The following PARP14 variants were observed in gnomAD, a reference collection of about 807,000 sequenced individuals.
PARP14 encodes the protein poly(ADP-ribose) polymerase family member 14, also known as protein mono-ADP-ribosyltransferase PARP14.
In PARP14, 59 loss-of-function variants were observed where a neutral mutation model predicts 154.2. The observed-to-expected ratio is 0.38, with a 90% CI of 0.31 to 0.48. The LOEUF (loss-of-function observed/expected upper bound fraction) is 0.48, where lower values mean the gene tolerates loss of function less well. Ranked by LOEUF, PARP14 falls within the 20% of genes least tolerant of loss-of-function variation. The pLI is 0.98. For synonymous variants in PARP14, 720 were observed against 780.5 expected (o/e 0.92, Z 1.29); for missense variants, 1,734 against 2,131.6 (o/e 0.81, Z 3.67).
chr3:122,715,786 T>C (rs990043170), intron 12 of PARP14, among the ~76,000 whole-genome samples: 1 of 152,140 alleles, frequency 6.6e-6, no homozygotes, highest in Non-Finnish European at 1.5e-5. Flanking sequence ...CTTCAGTTGA[T>C]TTGGGCCAAG....
Position 122,687,085 on chromosome 3 carries a change from CA to C in PARP14, c.329del (p.Lys110ArgfsTer25). ...CTTTATTGTTTGTGTTTCAGGAATC[CA>C]AGACCAAAGAAGATGTTAAAGAACC... ...FEEELLTKES[K>X]TKEDVKEPDV... is the part of the protein sequence containing the mutation. On this transcript the variant is annotated frameshift_variant, in exon 3 of 17. Transcript: ENST00000474629. LOFTEE classifies it high-confidence loss of function. 1 of 1,588,964 alleles carries C rather than the reference CA, an allele frequency of 6.3e-7. No homozygotes were observed. The highest frequency in any genetic ancestry group is 8.6e-7 in the Non-Finnish European group (1 of 1,163,516).
chr3:122,716,428 T>G lies in PARP14; in HGVS notation c.4001-1643T>G, dbSNP rs541634123. ...GTGCCTGCATCTGCAAGGCACCATG[T>G]TTAGGCTCTGGAGATAGAAAGATAA... On this transcript the variant is annotated intron_variant, in intron 12 of 16. Coordinates refer to ENST00000474629, the MANE Select transcript of PARP14 (RefSeq NM_017554.3). Among the ~76,000 whole-genome samples the G allele has an allele frequency of 7.9e-5, 12 of 152,308 alleles. No homozygotes were observed. The South Asian group carries it at 2.5e-3, about 32-fold the overall frequency.
chr3:122,693,339 C>T (rs966471523), intron 4 of PARP14, among the ~76,000 whole-genome samples: 2 of 152,176 alleles, frequency 1.3e-5, no homozygotes, highest in African/African-American at 4.8e-5. Context: ...CAATTCTAAG[C>T]CTTCACTATT....
At chr3:122,683,921 G>A (rs1938291787) in intron 1 of PARP14, among the ~76,000 whole-genome samples, 4 of 152,112 alleles carry the variant, frequency 2.6e-5, no homozygotes, top group Admixed American at 2.6e-4. Context: ...AGGCTGCAGG[G>A]GTCCTATCCA....
In PARP14 at chr3:122,701,135, C is replaced by A. The variant is rs779081075; in HGVS notation, c.2581C>A (p.Pro861Thr). The A allele has an allele frequency of 6.2e-7, 1 of 1,613,964 alleles. No individual in the cohort carries two copies. The highest frequency in any genetic ancestry group is 1.7e-5 in the Admixed American group (1 of 60,022). The change falls in exon 6 of 17, where the codon CCG (proline) becomes ACG (threonine). Residue 861 changes from proline (P) to threonine (T), a missense_variant. Coordinates refer to ENST00000474629, the MANE Select transcript of PARP14 (RefSeq NM_017554.3). This position sits in a 1 kb window ranked among gnomAD's most constrained non-coding sequence, Gnocchi z 4.0. ...AGTGAAGAGAGAGGGCAGACTCCTA[C>A]CGGGCAATGCCACCATCTCCAAGGC... The part of the protein sequence containing the change: ...QIVKREGRLL[P>T]GNATISKAGK...
intron 8 of PARP14, among the ~76,000 whole-genome samples, chr3:122,707,323 A>G (rs1051146446): frequency 4.6e-5 from 7 of 151,774 alleles, no homozygotes; most frequent in East Asian, 3.9e-4. Flanking sequence ...GGAGTTTGCA[A>G]TGAACCAAGA....
At chr3:122,705,499 A>G (rs1939127060) in intron 8 of PARP14, among the ~76,000 whole-genome samples, 1 of 152,198 alleles carries the variant, frequency 6.6e-6, no homozygotes, top group African/African-American at 2.4e-5. Context: ...CACCAGAACT[A>G]TCATCAATCA....
chr3:122,683,220 T>C, intron 1 of PARP14: 2 of 735,724 alleles, frequency 2.7e-6, no homozygotes, highest in Non-Finnish European at 3.3e-6. Flanking sequence ...TAACAATGAA[T>C]GACCTACGCT....
At chr3:122,722,548 T>C (rs1933187790) in intron 15 of PARP14, 1 of 152,198 alleles carries the variant, frequency 6.6e-6, no homozygotes, top group Non-Finnish European at 1.5e-5. Flanking sequence ...AAACCTTTTT[T>C]TTCAATAAAA....
At chr3:122,689,879 C>T (rs1227200175) in intron 3 of PARP14, among the ~76,000 whole-genome samples, 1 of 152,218 alleles carries the variant, frequency 6.6e-6, no homozygotes, top group Non-Finnish European at 1.5e-5. Flanking sequence ...TCATTTTCTT[C>T]ATTCTGCACA....
Position 122,700,447 on chromosome 3 carries a change from T to A in PARP14, c.1893T>A (p.Thr631=). 1 of 1,613,486 alleles carries A rather than the reference T, an allele frequency of 6.2e-7. No homozygotes were observed. The highest frequency in any genetic ancestry group is 1.1e-5 in the South Asian group (1 of 90,996). ...LLKKQNSSPN[T]VIINELTSET... is the part of the protein sequence containing the mutation. ...AGAAACAAAATTCCTCCCCAAACAC[T>A]GTAATCATCAATGAGTTAACTTCAG... Residue 631 remains threonine (T), a synonymous_variant, in exon 6 of 17, where the codon ACT becomes ACA. Coordinates refer to ENST00000474629, the MANE Select transcript of PARP14 (RefSeq NM_017554.3).
At chr3:122,702,693 C>T (rs535526699) in intron 6 of PARP14, among the ~76,000 whole-genome samples, 3 of 152,154 alleles carry the variant, frequency 2.0e-5, no homozygotes, top group Non-Finnish European at 2.9e-5. Context: ...TGTTCAGGCT[C>T]TTAACCATTG....
chr3:122,703,015 AAAAAAAAACAAAAAAC>A (rs1560065733), intron 6 of PARP14, among the ~76,000 whole-genome samples: 6 of 98,956 alleles, frequency 6.1e-5, no homozygotes, highest in Non-Finnish European at 7.2e-5. Flanking sequence ...AAAAAACAAA[AAAAAAAAACAAAAAAC>A]AAAAAACAGT....
chr3:122,692,887 A>G (rs1258721630), intron 4 of PARP14, among the ~76,000 whole-genome samples: 1 of 152,180 alleles, frequency 6.6e-6, no homozygotes, highest in Non-Finnish European at 1.5e-5. Context: ...GCTTTTTCAC[A>G]TGTGTTATCT....
At chr3:122,703,704 G>T in intron 6 of PARP14, 38 bp from the exon 7 acceptor site, 1 of 1,298,830 alleles carries the variant, frequency 7.7e-7, no homozygotes, top group Non-Finnish European at 1.1e-6. Flanking sequence ...AATGCTTTTT[G>T]TTAAAATTTG....
chr3:122,704,439 A>G, intron 7 of PARP14, 88 bp from the exon 8 acceptor site: 2 of 757,150 alleles, frequency 2.6e-6, no homozygotes, highest in Non-Finnish European at 4.4e-6. Context: ...GGAGTATTCA[A>G]GTTCACAAAG....
chr3:122,701,010 T>C lies in PARP14; in HGVS notation c.2456T>C (p.Val819Ala). 1 of 1,613,960 alleles carries C rather than the reference T, an allele frequency of 6.2e-7. No individual in the cohort carries two copies. Among genetic ancestry groups the C allele is most frequent in the Non-Finnish European group, 8.5e-7 (1 of 1,179,868 alleles). Residue 819 changes from valine (V) to alanine (A), a missense_variant, in exon 6 of 17, where the codon GTG (valine) becomes GCG (alanine). Coordinates refer to ENST00000474629, the MANE Select transcript of PARP14 (RefSeq NM_017554.3). This position sits in a 1 kb window ranked among gnomAD's most constrained non-coding sequence, Gnocchi z 4.0. ...GDLARLPVDV[V>A]VNASNEDLKH... is the part of the protein sequence containing the mutation. ...TTGGCACGGCTTCCTGTCGATGTGG[T>C]GGTGAATGCATCTAATGAGGACCTT...
At chr3:122,694,890 A>G (rs1308350940) in intron 4 of PARP14, among the ~76,000 whole-genome samples, 1 of 152,182 alleles carries the variant, frequency 6.6e-6, no homozygotes, top group African/African-American at 2.4e-5. Context: ...AAAACTAGAG[A>G]AGAGCATTCC....
At chr3:122,692,229 G>C in intron 3 of PARP14, 72 bp from the exon 4 acceptor site, 1 of 1,362,750 alleles carries the variant, frequency 7.3e-7, no homozygotes, top group Non-Finnish European at 1.0e-6. Context: ...AGTGCCTTGT[G>C]ATAACTTACT....
Sources: gnomAD v4.1 joint callset for allele counts (sites outside exome capture counted in the v4.1 genomes callset) on GRCh38, gnomAD v4.1.1 for gene constraint, Gnocchi (gnomAD v3.1) non-coding constraint, MANE v1.5 for transcripts, NCBI Gene and HGNC (gene_info 2026-07-23, HGNC 2026-07-21) for gene names.